The following NRG2 variants were observed in gnomAD, a reference collection of about 807,000 sequenced individuals.
NRG2 encodes the protein neuregulin 2.
Under a neutral mutation model 73.9 loss-of-function variants are expected in NRG2, and 27 were observed. The observed-to-expected ratio is 0.37, with a 90% CI of 0.27 to 0.50. The LOEUF (loss-of-function observed/expected upper bound fraction) is 0.50, where lower values mean the gene tolerates loss of function less well. Ranked by LOEUF, NRG2 falls within the 20% of genes least tolerant of loss-of-function variation. The probability of loss-of-function intolerance (pLI) is 0.96; values close to 1 mark genes in which losing one functional copy is unlikely to be tolerated. For missense variants in NRG2, 1,126 were observed against 1,210.1 expected (o/e 0.93, Z 1.03); for synonymous variants, 532 against 541.0 (o/e 0.98, Z 0.23).
chr5:140,036,458 G>T (rs192149474), intron 1 of NRG2, among the ~76,000 whole-genome samples: 25 of 152,282 alleles, frequency 1.6e-4, no homozygotes, highest in Non-Finnish European at 7.4e-5. Flanking sequence ...AGTTCAGCAA[G>T]ATTCATCTGC....
intron 3 of NRG2, among the ~76,000 whole-genome samples, chr5:139,875,642 A>G (rs1416719305): frequency 6.6e-6 from 1 of 152,170 alleles, no homozygotes; most frequent in African/African-American, 2.4e-5. Flanking sequence ...CCACAATGAG[A>G]CCAAGCCAAT....
intron 1 of NRG2, among the ~76,000 whole-genome samples, chr5:139,906,208 A>T (rs1346820635): frequency 6.6e-6 from 1 of 152,062 alleles, no homozygotes; most frequent in Non-Finnish European, 1.5e-5. Context: ...GTGTTTCACC[A>T]TGTTGGTCAG....
At chr5:139,911,687 T>C (rs1466873001) in intron 1 of NRG2, among the ~76,000 whole-genome samples, 1 of 152,162 alleles carries the variant, frequency 6.6e-6, no homozygotes, top group Non-Finnish European at 1.5e-5. Context: ...CCTGGGAGAC[T>C]CCTGCACTTT....
rs145241003 is a variant in NRG2, at chr5:139,945,354, C to T, written c.701-57843G>A. Reference sequence around the variant, plus strand: ...TCCTGAAGCATTTCTCCTATATTTTCTTCTAGTAGTTTTATAATTTCTGGT... The same window carrying T: ...TCCTGAAGCATTTCTCCTATATTTTTTTCTAGTAGTTTTATAATTTCTGGT... On this transcript the variant is annotated intron_variant, in intron 1 of 9. Transcript: ENST00000361474. Among the ~76,000 whole-genome samples, 612 of 152,100 alleles carry T rather than the reference C, an allele frequency of 4.0e-3. 2 individuals are homozygous for T. The highest frequency in any genetic ancestry group is 0.014 in the African/African-American group (601 of 41,530).
intron 1 of NRG2, among the ~76,000 whole-genome samples, chr5:140,014,630 T>C (rs1345378462): frequency 1.3e-5 from 2 of 152,066 alleles, no homozygotes; most frequent in African/African-American, 4.8e-5. Context: ...ATATCTACAA[T>C]CCAGCCTCTT....
At chr5:139,976,294 A>G (rs920719151) in intron 1 of NRG2, among the ~76,000 whole-genome samples, 3 of 152,216 alleles carry the variant, frequency 2.0e-5, no homozygotes, top group African/African-American at 7.2e-5. Context: ...AATGGGTTTC[A>G]TTTGTGTTGC....
intron 1 of NRG2, among the ~76,000 whole-genome samples, chr5:139,906,775 G>A (rs1765259355): frequency 6.6e-6 from 1 of 152,200 alleles, no homozygotes. Context: ...CTTTATATAT[G>A]TTGACACACA....
In NRG2 at chr5:139,869,479, G is replaced by GTCCACCC. The variant is rs1762695825; in HGVS notation, c.1112+2235_1112+2241dup. The GTCCACCC allele has an allele frequency of 6.6e-6, 1 of 152,194 alleles. No homozygotes were observed. The highest frequency in any genetic ancestry group is 1.5e-5 in the Non-Finnish European group (1 of 68,096). 9.4% of individuals were successfully genotyped at this position (152,194 alleles called of 1,614,324 possible). A position where few individuals can be genotyped will look rare whatever the true frequency, so the allele number is the denominator to read the frequency against. Reference sequence around the variant, plus strand: ...GCCTGCCCACCTTCCCTCCCAGCTCGTCCACCCGCAGAATGGCCTCTGGGC... The same window carrying GTCCACCC: ...GCCTGCCCACCTTCCCTCCCAGCTCGTCCACCCTCCACCCGCAGAATGGCCTCTGGGC... On this transcript the variant is annotated intron_variant, in intron 4 of 9. Coordinates refer to ENST00000361474, the MANE Select transcript of NRG2 (RefSeq NM_004883.3). The surrounding 1 kb of genome is among the most constrained non-coding windows in gnomAD (Gnocchi z 4.5).
At chr5:139,882,832 T>A (rs1763616452) in intron 2 of NRG2, among the ~76,000 whole-genome samples, 1 of 152,068 alleles carries the variant, frequency 6.6e-6, no homozygotes, top group South Asian at 2.1e-4. Flanking sequence ...TAAGGAAGGA[T>A]TCCCCACATG....
At chr5:139,992,741 C>A (rs936972823) in intron 1 of NRG2, among the ~76,000 whole-genome samples, 1 of 152,170 alleles carries the variant, frequency 6.6e-6, no homozygotes, top group Non-Finnish European at 1.5e-5. Flanking sequence ...TGTACCACTA[C>A]CCATGAAAGG....
intron 1 of NRG2, among the ~76,000 whole-genome samples, chr5:139,960,925 C>A (rs1755010364): frequency 1.3e-5 from 2 of 152,218 alleles, no homozygotes; most frequent in African/African-American, 4.8e-5. Flanking sequence ...CCATTCCCAG[C>A]CTCCTGCCAG....
chr5:140,008,117 A>G lies in NRG2; in HGVS notation c.700+34253T>C, dbSNP rs1759056739. Among the ~76,000 whole-genome samples, 1 of 152,214 alleles carries G rather than the reference A, an allele frequency of 6.6e-6. No homozygotes were observed. Among genetic ancestry groups the G allele is most frequent in the African/African-American group, 2.4e-5 (1 of 41,466 alleles). Reference sequence around the variant, plus strand: ...GAGCACCACACAGGAATGTGTTCCCATGGGCAGCCTGACATCTACATGTCC... The same window carrying G: ...GAGCACCACACAGGAATGTGTTCCCGTGGGCAGCCTGACATCTACATGTCC... On this transcript the variant is annotated intron_variant, in intron 1 of 9. Transcript: ENST00000361474. The surrounding 1 kb of genome is among the most constrained non-coding windows in gnomAD (Gnocchi z 4.2).
intron 1 of NRG2, among the ~76,000 whole-genome samples, chr5:140,004,559 A>G (rs187809076): frequency 1.5e-3 from 226 of 152,366 alleles, no homozygotes; most frequent in African/African-American, 5.1e-3. Context: ...CCAAAAAGGC[A>G]TAAGTTCACT....
intron 1 of NRG2, among the ~76,000 whole-genome samples, chr5:139,977,294 A>G (rs1211509229): frequency 2.6e-5 from 4 of 152,226 alleles, no homozygotes; most frequent in Non-Finnish European, 4.4e-5. Flanking sequence ...TATGGTAGGT[A>G]GAAGTTGTCC....
intron 1 of NRG2, among the ~76,000 whole-genome samples, chr5:140,037,773 T>G (rs1761614054): frequency 6.6e-6 from 1 of 151,980 alleles, no homozygotes; most frequent in Admixed American, 6.6e-5. Context: ...TCGGGCGCGG[T>G]GGCGGGTGCC....
chr5:139,994,077 C>T (rs1162475916), intron 1 of NRG2, among the ~76,000 whole-genome samples: 3 of 152,094 alleles, frequency 2.0e-5, no homozygotes, highest in Non-Finnish European at 2.9e-5. Flanking sequence ...TTTGAGAGAA[C>T]ACAGACTCCC....
intron 1 of NRG2, among the ~76,000 whole-genome samples, chr5:140,021,060 C>A (rs1185608533): frequency 6.6e-6 from 1 of 152,220 alleles, no homozygotes; most frequent in African/African-American, 2.4e-5. Context: ...AGTGAGCAAA[C>A]TGGTTCACAG....
At chr5:139,908,329 G>A (rs1216664985) in intron 1 of NRG2, among the ~76,000 whole-genome samples, 2 of 152,166 alleles carry the variant, frequency 1.3e-5, no homozygotes. Context: ...TAGTGGAGAC[G>A]AGGGAGTCAG....
At chr5:139,872,238 A>C (rs1410139692) in intron 3 of NRG2, among the ~76,000 whole-genome samples, 2 of 152,186 alleles carry the variant, frequency 1.3e-5, no homozygotes, top group African/African-American at 4.8e-5. Context: ...GTGGGGAACA[A>C]ACGCAGGAGG....
Sources: gnomAD v4.1 joint callset for allele counts (sites outside exome capture counted in the v4.1 genomes callset) on GRCh38, gnomAD v4.1.1 for gene constraint, Gnocchi (gnomAD v3.1) non-coding constraint, MANE v1.5 for transcripts, NCBI Gene and HGNC (gene_info 2026-07-23, HGNC 2026-07-21) for gene names.